Variants in CDH5 observed in about 807,000 individuals in gnomAD.
CDH5 encodes the protein cadherin 5, also known as cadherin-5.
CDH5 carries 28 observed loss-of-function variants against 62.0 expected under a neutral mutation model. The observed-to-expected ratio is 0.45, with a 90% CI of 0.33 to 0.62. CDH5 has a LOEUF of 0.62. CDH5 is among the 20% of genes least tolerant of loss of function. The pLI, the probability that CDH5 is intolerant of heterozygous loss-of-function variation, is 0.02. For synonymous variants in CDH5, 464 were observed against 445.8 expected, an observed-to-expected ratio of 1.04 and a Z score of -0.52; for missense variants, 940 against 1,065.1, an observed-to-expected ratio of 0.88 and a Z score of 1.63.
chr16:66,369,519 T>A (rs890236550), intron 1 of CDH5, among the ~76,000 whole-genome samples: 1 of 152,026 alleles, frequency 6.6e-6, no homozygotes, highest in African/African-American at 2.4e-5. Flanking sequence ...GTCACACAGC[T>A]CCCGAGCAGC....
At chr16:66,366,923 C>T (rs994900763) in intron 1 of CDH5, among the ~76,000 whole-genome samples, 165 bp downstream of exon 1, 21 of 152,212 alleles carry the variant, frequency 1.4e-4, no homozygotes, top group African/African-American at 4.3e-4. Context: ...AGAGCAGGGT[C>T]GGGGAAGGTG....
At chr16:66,401,104 AGAG>A in intron 11 of CDH5, 88 bp downstream of exon 11, 1 of 1,554,332 alleles carries the variant, frequency 6.4e-7, no homozygotes, top group Non-Finnish European at 8.8e-7. Flanking sequence ...CAGGAAAAGT[AGAG>A]GCCAGAGGTT....
chr16:66,379,895 ACGG>A, intron 2 of CDH5, among the ~76,000 whole-genome samples: 1 of 136,730 alleles, frequency 7.3e-6, no homozygotes, highest in African/African-American at 2.8e-5. Flanking sequence ...GGTGGTGATC[ACGG>A]TGATGGTGGT....
intron 1 of CDH5, among the ~76,000 whole-genome samples, chr16:66,374,728 C>T (rs1960754428): frequency 6.7e-6 from 1 of 149,642 alleles, no homozygotes; most frequent in Admixed American, 6.6e-5. Context: ...GAAGGAACCT[C>T]ATTTTATTCT....
At chr16:66,402,615 C>A (rs770037521) in intron 11 of CDH5, 37 bp from the exon 12 acceptor site, 2 of 1,515,788 alleles carry the variant, frequency 1.3e-6, no homozygotes, top group Non-Finnish European at 1.8e-6. Flanking sequence ...AGGCCCCCAG[C>A]CTTGTCTGAC....
intron 7 of CDH5, among the ~76,000 whole-genome samples, chr16:66,393,868 T>C (rs1157884431): frequency 6.6e-6 from 1 of 152,224 alleles, no homozygotes; most frequent in Non-Finnish European, 1.5e-5. Flanking sequence ...AGTCTTCTTA[T>C]TAAGGACAAA....
chr16:66,402,194 T>C (rs769669898), intron 11 of CDH5, among the ~76,000 whole-genome samples: 1 of 151,594 alleles, frequency 6.6e-6, no homozygotes, highest in Non-Finnish European at 1.5e-5. Context: ...ATGTATATAG[T>C]AGTTTGTTCA....
intron 6 of CDH5, among the ~76,000 whole-genome samples, chr16:66,390,826 C>T (rs1567465763): frequency 2.6e-5 from 4 of 152,096 alleles, no homozygotes; most frequent in Non-Finnish European, 5.9e-5. Context: ...CCCAGGAAGC[C>T]CCAGGAGCAA....
At chr16:66,376,132 A>ATAAATAAG (rs1203900648) in intron 1 of CDH5, among the ~76,000 whole-genome samples, 87 of 152,062 alleles carry the variant, frequency 5.7e-4, no homozygotes, top group African/African-American at 2.0e-3. Context: ...AAATAAATAA[A>ATAAATAAG]TAAATAAAAC....
chr16:66,381,015 G>A (rs913952366), intron 2 of CDH5, among the ~76,000 whole-genome samples: 3 of 152,056 alleles, frequency 2.0e-5, no homozygotes, highest in African/African-American at 7.3e-5. Flanking sequence ...CACCTGGCCT[G>A]GGGGTTCAAG....
chr16:66,397,215 G>A (rs756392436), intron 8 of CDH5, among the ~76,000 whole-genome samples: 6 of 151,738 alleles, frequency 4.0e-5, no homozygotes, highest in Non-Finnish European at 5.9e-5. Flanking sequence ...CTTTCTCATG[G>A]TACTAATTTT....
chr16:66,402,944 G>C lies in CDH5; in HGVS notation c.2130G>C (p.Glu710Asp), dbSNP rs778960426. The C allele has an allele frequency of 2.8e-5, 45 of 1,612,536 alleles. No homozygotes were observed. Among genetic ancestry groups the C allele is most frequent in the Admixed American group, 1.8e-4 (11 of 59,984 alleles). The change falls in exon 12 of 12, where the codon GAG becomes GAC. Residue 710 changes from glutamate to aspartate, a missense_variant. Glu to Asp is a conservative substitution (Grantham distance 45). Coordinates refer to ENST00000341529, the MANE Select transcript of CDH5 (RefSeq NM_001795.5). The part of the protein sequence containing the change: ...GGPGEMAAMI[E>D]VKKDEADHDG... The stretch of plus-strand genomic sequence containing the variant: ...CCGGGGAGATGGCAGCCATGATCGA[G>C]GTGAAGAAGGACGAGGCGGACCACG...
At chr16:66,385,303 C>T (rs1960964132) in intron 2 of CDH5, among the ~76,000 whole-genome samples, 1 of 152,142 alleles carries the variant, frequency 6.6e-6, no homozygotes, top group South Asian at 2.1e-4. Context: ...TTATAGAACC[C>T]TGTTTGGTGT....
chr16:66,392,262 G>A lies in CDH5; in HGVS notation c.1096G>A (p.Val366Met), dbSNP rs1186263065. The part of the protein sequence containing the change: ...RAQVIINITD[V>M]DEPPIFQQPF... ...CCAGGTCATTATCAACATCACAGAT[G>A]TGGACGAGCCCCCCATTTTCCAGCA... is the stretch of plus-strand genomic sequence containing the variant. The change falls in exon 7 of 12, where the codon GTG becomes ATG. Residue 366 changes from valine to methionine, a missense_variant. Transcript: ENST00000341529. 1.2e-6 allele frequency: 2 copies of A among 1,614,144 alleles called. No homozygotes were observed.
intron 7 of CDH5, among the ~76,000 whole-genome samples, chr16:66,395,016 A>ATCTTTTTT (rs1961152050): frequency 5.0e-5 from 1 of 19,950 alleles, no homozygotes; most frequent in Non-Finnish European, 1.0e-4. Context: ...CACCAGGCTA[A>ATCTTTTTT]TCTTTTTTTT....
chr16:66,398,174 C>A, intron 9 of CDH5, 68 bp downstream of exon 9: 1 of 1,575,948 alleles, frequency 6.3e-7, no homozygotes, highest in South Asian at 1.1e-5. Context: ...CAGAACTGCT[C>A]AACAGAGTCA....
At chr16:66,401,166 T>C (rs1961275427) in intron 11 of CDH5, 150 bp downstream of exon 11, 5 of 1,050,214 alleles carry the variant, frequency 4.8e-6, no homozygotes, top group Non-Finnish European at 6.9e-6. Flanking sequence ...AGCCAGTTCA[T>C]GTGCAGGATG....
In CDH5 at chr16:66,403,137, G is replaced by A. The variant is rs372602492; in HGVS notation, c.2323G>A (p.Gly775Ser). The A allele has an allele frequency of 5.8e-5, 93 of 1,612,992 alleles. No homozygotes were observed. The highest frequency in any genetic ancestry group is 8.3e-5 in the Admixed American group (5 of 59,938). Reference protein sequence around the residue: ...PRFKMLAELYGSDPREELLY With the variant: ...PRFKMLAELYSSDPREELLY The stretch of plus-strand genomic sequence containing the variant: ...GTTTAAGATGCTGGCTGAGCTGTAC[G>A]GCTCGGACCCCCGGGAGGAGCTGCT... Residue 775 changes from glycine to serine, a missense_variant, in exon 12 of 12, where the codon GGC (glycine) becomes AGC (serine). Transcript: ENST00000341529. This position sits in a 1 kb window ranked among gnomAD's most constrained non-coding sequence, Gnocchi z 4.3.
At chr16:66,397,276 G>A (rs969753272) in intron 8 of CDH5, among the ~76,000 whole-genome samples, 2 of 152,020 alleles carry the variant, frequency 1.3e-5, no homozygotes, top group Non-Finnish European at 2.9e-5. Context: ...ATGAAGTGCA[G>A]TGGCACGATC....
Sources: gnomAD v4.1 joint callset for allele counts (sites outside exome capture counted in the v4.1 genomes callset) on GRCh38, gnomAD v4.1.1 for gene constraint, Gnocchi (gnomAD v3.1) non-coding constraint, MANE v1.5 for transcripts, NCBI Gene and HGNC (gene_info 2026-07-23, HGNC 2026-07-21) for gene names.